Variants in ATAD2B observed in about 807,000 individuals in gnomAD.
The protein encoded by ATAD2B is ATPase family AAA domain containing 2B, also known as ATPase family AAA domain-containing protein 2B.
In ATAD2B, 40 loss-of-function variants were observed where a neutral mutation model predicts 167.6. The observed-to-expected ratio is 0.24, with a 90% CI of 0.19 to 0.31. ATAD2B has a LOEUF of 0.31. Among genes scored for constraint, ATAD2B ranks in the 10% least tolerant of loss-of-function variants. ATAD2B has a pLI of 1.00. For missense variants in ATAD2B, 1,242 were observed against 1,757.2 expected (o/e 0.71, Z 5.24); for synonymous variants, 579 against 596.5 (o/e 0.97, Z 0.43).
At chr2:23,696,291 C>T in the ATAD2B span, 1 of 1,543,632 alleles carries the variant, frequency 6.5e-7, no homozygotes, top group East Asian at 2.4e-5. The surrounding 1 kb of genome is among the most constrained non-coding windows in gnomAD (Gnocchi z 5.5). Flanking sequence ...CCAGGCCCCT[C>T]CTCACCCCGC....
the ATAD2B span, among the ~76,000 whole-genome samples, chr2:23,728,604 T>C: frequency 5.3e-5 from 8 of 152,190 alleles, no homozygotes; most frequent in Non-Finnish European, 5.9e-5. Context: ...AAAGGGAGAT[T>C]AAGCCAACTA....
chr2:23,722,026 A>G, the ATAD2B span, among the ~76,000 whole-genome samples: 2 of 152,212 alleles, frequency 1.3e-5, no homozygotes, highest in Non-Finnish European at 2.9e-5. Flanking sequence ...TGAGGACTAC[A>G]CTACTGTGTC....
intron 22 of ATAD2B, among the ~76,000 whole-genome samples, chr2:23,766,922 A>AG (rs1344151087): frequency 3.3e-5 from 5 of 149,430 alleles, no homozygotes; most frequent in African/African-American, 1.2e-4. Context: ...TAAGGGGGGA[A>AG]AAAAAAAAAA....
At chr2:23,746,962 G>A (rs948682703), downstream of ATAD2B, among the ~76,000 whole-genome samples, 18 of 152,086 alleles carry the variant, frequency 1.2e-4, no homozygotes, top group Admixed American at 9.2e-4. Flanking sequence ...ATGAAGACAC[G>A]GACTTTTTCT....
rs936552101 is a variant in ATAD2B at position 23,873,596 on chromosome 2, C to G, written c.977+2233G>C. ...ATTATAATACCTAATACAACACATG[C>G]TATATAAATAGTCATCAAGCTGTAT... On this transcript the variant is annotated intron_variant, in intron 8 of 27. Transcript: ENST00000238789. 2.0e-5 allele frequency among the ~76,000 whole-genome samples: 3 copies of G among 152,130 alleles called. No homozygotes were observed. The South Asian group carries it at 6.2e-4, about 31-fold the overall frequency.
intron 7 of ATAD2B, among the ~76,000 whole-genome samples, chr2:23,876,308 CTTT>C (rs1324917510): frequency 7.4e-6 from 1 of 134,532 alleles, no homozygotes; most frequent in African/African-American, 2.7e-5. Context: ...ACTTTTTTTT[CTTT>C]TTTTTTTTGA....
the ATAD2B span, among the ~76,000 whole-genome samples, chr2:23,731,703 G>A: frequency 2.6e-5 from 4 of 152,154 alleles, no homozygotes; most frequent in Non-Finnish European, 5.9e-5. Flanking sequence ...AAACTATTAA[G>A]GGCAGGGTGC....
At chr2:23,720,766 CCA>C in the ATAD2B span, among the ~76,000 whole-genome samples, 1 of 152,166 alleles carries the variant, frequency 6.6e-6, no homozygotes, top group Non-Finnish European at 1.5e-5. Context: ...AAAGAGAATC[CCA>C]CAGTCTCCCA....
intron 2 of ATAD2B, among the ~76,000 whole-genome samples, chr2:23,895,469 A>C (rs1385913246): frequency 6.6e-6 from 1 of 152,144 alleles, no homozygotes; most frequent in Non-Finnish European, 1.5e-5. Flanking sequence ...TATCAATTCA[A>C]GTGAAATAAT....
At chr2:23,900,359 G>A (rs1048059624) in intron 1 of ATAD2B, among the ~76,000 whole-genome samples, 2 of 151,984 alleles carry the variant, frequency 1.3e-5, no homozygotes, top group African/African-American at 2.4e-5. Context: ...GAGCCACCAC[G>A]CCCAGCTTTA....
At chr2:23,818,293 GGGGAGA>G (rs1356552636) in intron 17 of ATAD2B, among the ~76,000 whole-genome samples, 1 of 100,692 alleles carries the variant, frequency 9.9e-6, no homozygotes, top group Non-Finnish European at 2.1e-5. Flanking sequence ...GAGAGGGAGG[GGGGAGA>G]GAGAGAGAGA....
In ATAD2B at chr2:23,926,988, A is replaced by G. The variant is rs1346514137; in HGVS notation, c.-218T>C. 1.3e-5 allele frequency: 7 copies of G among 536,418 alleles called. No individual in the cohort carries two copies. Among genetic ancestry groups the G allele is most frequent in the South Asian group, 2.8e-5 (1 of 35,752 alleles). 33.2% of individuals were successfully genotyped at this position (536,418 alleles called of 1,614,324 possible). ...GCGGGAAGCGGGGGCGGTGCTGCAG[A>G]CCGGCAGCACAGACACTCCGCCGGC... On this transcript the variant is annotated 5_prime_UTR_variant, in exon 1 of 28. Coordinates refer to ENST00000238789, the MANE Select transcript of ATAD2B (RefSeq NM_017552.4).
At chr2:23,926,523 G>A (rs1487642890) in intron 1 of ATAD2B, 32 bp downstream of exon 1, 2 of 1,533,400 alleles carry the variant, frequency 1.3e-6, no homozygotes, top group African/African-American at 2.8e-5. Flanking sequence ...CGGCACTTCC[G>A]AGCCTCCGGA....
intron 19 of ATAD2B, among the ~76,000 whole-genome samples, chr2:23,792,962 C>CAAAAAAAAAAAAAAAAAAAA (rs36015161): frequency 2.3e-5 from 1 of 42,556 alleles, no homozygotes; most frequent in Admixed American, 3.6e-4. Flanking sequence ...GACTCTGTCT[C>CAAAAAAAAAAAAAAAAAAAA]AAAAAAAAAA....
chr2:23,726,536 C>A, the ATAD2B span, among the ~76,000 whole-genome samples: 1 of 151,836 alleles, frequency 6.6e-6, no homozygotes, highest in African/African-American at 2.4e-5. Flanking sequence ...GGGGGAGAGG[C>A]AGGAGGAAGG....
At chr2:23,802,050 T>C (rs1413013268) in intron 18 of ATAD2B, among the ~76,000 whole-genome samples, 3 of 152,032 alleles carry the variant, frequency 2.0e-5, no homozygotes, top group African/African-American at 7.2e-5. Flanking sequence ...CCAGTATCAC[T>C]TTTACCTGCC....
At chr2:23,914,169 C>T (rs943380385) in intron 1 of ATAD2B, among the ~76,000 whole-genome samples, 1 of 152,046 alleles carries the variant, frequency 6.6e-6, no homozygotes, top group Admixed American at 6.6e-5. Context: ...GAGATCAGAA[C>T]AACATACGTG....
At chr2:23,872,882 C>T in intron 8 of ATAD2B, 1 of 799,004 alleles carries the variant, frequency 1.3e-6, no homozygotes. Flanking sequence ...CTCACAGTGC[C>T]TGCCTGCCTG....
chr2:23,869,647 T>C lies in ATAD2B; in HGVS notation c.1076+16A>G, dbSNP rs767623701. The stretch of plus-strand genomic sequence containing the variant: ...CTTTTTTCTACCATGGAAATAACAT[T>C]ACAAATTTTACTAACCTATTTCTTG... On this transcript the variant is annotated intron_variant, in intron 9 of 27. Transcript: ENST00000238789. The C allele has an allele frequency of 5.3e-6, 8 of 1,520,672 alleles. No individual in the cohort carries two copies. In the African/African-American group the frequency reaches 9.6e-5, roughly 18 times the overall value. 94.2% of individuals were successfully genotyped at this position (1,520,672 alleles called of 1,614,324 possible). A position where few individuals can be genotyped will look rare whatever the true frequency, so the allele number is the denominator to read the frequency against.
Sources: allele counts gnomAD v4.1 joint callset (sites outside exome capture counted in the v4.1 genomes callset), GRCh38; gene constraint gnomAD v4.1.1; non-coding constraint Gnocchi (gnomAD v3.1); transcripts MANE v1.5; gene names NCBI Gene and HGNC (gene_info 2026-07-23, HGNC 2026-07-21).